TTF2: variants seen among roughly 807,000 people sequenced by gnomAD.
The protein encoded by TTF2 is transcription termination factor 2, also known as RNA polymerase II termination factor.
Under a neutral mutation model 142.4 loss-of-function variants are expected in TTF2, and 108 were observed. The ratio of observed to expected loss-of-function variants is 0.76; its 90% confidence interval spans 0.65 to 0.89. TTF2 has a LOEUF of 0.89. TTF2 is among the 40% of genes least tolerant of loss of function. The probability of loss-of-function intolerance (pLI) is 0.00; values close to 1 mark genes in which losing one functional copy is unlikely to be tolerated. For synonymous variants in TTF2, 483 were observed against 506.2 expected, an observed-to-expected ratio of 0.95 and a Z score of 0.61; for missense variants, 1,327 against 1,379.8, an observed-to-expected ratio of 0.96 and a Z score of 0.61.
chr1:117,066,646 C>G (rs1447061928), intron 3 of TTF2, among the ~76,000 whole-genome samples: 4 of 147,880 alleles, frequency 2.7e-5, no homozygotes, highest in Non-Finnish European at 5.9e-5. Flanking sequence ...TAATGTTGGT[C>G]GAGTATTGGG....
At chr1:117,091,748 T>A in intron 16 of TTF2, 69 bp from the exon 17 acceptor site, 12 of 1,559,966 alleles carry the variant, frequency 7.7e-6, no homozygotes, top group Non-Finnish European at 1.0e-5. Context: ...CCCCATGTAG[T>A]TCCTGGCTCT....
intron 11 of TTF2, among the ~76,000 whole-genome samples, chr1:117,084,815 A>G (rs2101086133): frequency 6.6e-6 from 1 of 152,342 alleles, no homozygotes; most frequent in South Asian, 2.1e-4. Context: ...GCTGTAGTCA[A>G]GGATGAGAAC....
At chr1:117,068,507 A>C (rs564627922) in intron 3 of TTF2, among the ~76,000 whole-genome samples, 1 of 152,094 alleles carries the variant, frequency 6.6e-6, no homozygotes, top group African/African-American at 2.4e-5. Flanking sequence ...ACAAACCTGC[A>C]CATTGTGCAC....
rs776589909 is a variant in TTF2, at chr1:117,101,662, G to A, written c.*138G>A. The stretch of plus-strand genomic sequence containing the variant: ...TCAAGCCTTTCACCTTCCTCAAAAT[G>A]AGGCATAATCTTATCCCCAGAATTG... On this transcript the variant is annotated 3_prime_UTR_variant, in exon 23 of 23. Coordinates refer to ENST00000369466, the MANE Select transcript of TTF2 (RefSeq NM_003594.4). The surrounding 1 kb of genome is among the most constrained non-coding windows in gnomAD (Gnocchi z 5.9). 27 of 966,852 alleles carry A rather than the reference G, an allele frequency of 2.8e-5. No individual in the cohort carries two copies. The highest frequency in any genetic ancestry group is 3.7e-5 in the Non-Finnish European group (26 of 703,722). 59.9% of individuals were successfully genotyped at this position (966,852 alleles called of 1,614,324 possible).
chr1:117,065,760 G>A (rs1369390547), intron 3 of TTF2, among the ~76,000 whole-genome samples: 1 of 133,170 alleles, frequency 7.5e-6, no homozygotes, highest in Non-Finnish European at 1.6e-5. Context: ...TAGTAGGGCT[G>A]GTAAGCCTTT....
Position 117,066,491 on chromosome 1 carries a change from C to T in TTF2, c.218+4018C>T, listed in dbSNP as rs1656139501. ...AATATTGCTCACATGGCCCTAACTT[C>T]CCTGGGTTGGAGGACTTGGAGAGAG... is the stretch of plus-strand genomic sequence containing the variant. On this transcript the variant is annotated intron_variant, in intron 3 of 22. Coordinates refer to ENST00000369466, the MANE Select transcript of TTF2 (RefSeq NM_003594.4). 2.0e-5 allele frequency among the ~76,000 whole-genome samples: 3 copies of T among 152,218 alleles called. No homozygotes were observed. The Middle Eastern group carries it at 0.01, about 518-fold the overall frequency.
At chr1:117,061,596 G>A (rs962492276) in intron 2 of TTF2, among the ~76,000 whole-genome samples, 4 of 152,142 alleles carry the variant, frequency 2.6e-5, no homozygotes, top group Middle Eastern at 3.2e-3. Context: ...TTTACACTGA[G>A]CCTCTCAGAT....
At chr1:117,065,369 C>T (rs1027660801) in intron 3 of TTF2, among the ~76,000 whole-genome samples, 4 of 152,144 alleles carry the variant, frequency 2.6e-5, no homozygotes, top group Non-Finnish European at 4.4e-5. Flanking sequence ...GAGGCCAAGG[C>T]GGGCGGATCA....
chr1:117,073,694 G>T lies in TTF2; in HGVS notation c.252G>T (p.Glu84Asp). 6.2e-7 allele frequency: 1 copy of T among 1,612,534 alleles called. No homozygotes were observed. ...TCCGATGCATTAGAAGTAAGGCAGA[G>T]GGGAAACGCTGGTGTGGAAGTATTC... ...LFFRCIRSKA[E>D]GKRWCGSIPW... The change falls in exon 4 of 23, where the codon GAG (glutamate) becomes GAT (aspartate). Residue 84 changes from glutamate to aspartate, a missense_variant. Physicochemically the swap from Glu to Asp is conservative, Grantham distance 45. Coordinates refer to ENST00000369466, the MANE Select transcript of TTF2 (RefSeq NM_003594.4). The surrounding 1 kb of genome is among the most constrained non-coding windows in gnomAD (Gnocchi z 4.4).
In TTF2 at chr1:117,070,265, A is replaced by G. The variant is rs1027282022; in HGVS notation, c.219-3396A>G. ...TAACAATGGGGGCATATTCTGAGAA[A>G]TGCGTCATTAGGAGATTTCATTTTT... On this transcript the variant is annotated intron_variant, in intron 3 of 22. Coordinates refer to ENST00000369466, the MANE Select transcript of TTF2 (RefSeq NM_003594.4). The surrounding 1 kb of genome is among the most constrained non-coding windows in gnomAD (Gnocchi z 4.2). Among the ~76,000 whole-genome samples the G allele has an allele frequency of 5.9e-5, 9 of 152,244 alleles. No individual in the cohort carries two copies. Among genetic ancestry groups the G allele is most frequent in the African/African-American group, 2.2e-4 (9 of 41,466 alleles).
rs1656720869 is a variant in TTF2 at position 117,073,042 on chromosome 1, A to T, written c.219-619A>T. Among the ~76,000 whole-genome samples the T allele has an allele frequency of 6.6e-6, 1 of 152,220 alleles. No individual in the cohort carries two copies. Among genetic ancestry groups the T allele is most frequent in the Non-Finnish European group, 1.5e-5 (1 of 68,036 alleles). On this transcript the variant is annotated intron_variant, in intron 3 of 22. Transcript: ENST00000369466. The surrounding 1 kb of genome is among the most constrained non-coding windows in gnomAD (Gnocchi z 4.4). ...AAGGTTCACAAATTGGAATTGATTA[A>T]TATGTCTTTTAAGTCTCTGAAGTTT...
intron 17 of TTF2, 27 bp downstream of exon 17, chr1:117,091,977 A>T: frequency 6.3e-7 from 1 of 1,596,924 alleles, no homozygotes. Context: ...GCCTGCTGTC[A>T]TATAGTGCTC....
In TTF2 at chr1:117,063,164, T is replaced by A. The variant is rs1000993238; in HGVS notation, c.218+691T>A. ...TATGCACTTCATAATTTATATATTC[T>A]AGATCCCCCCACCCAATTAAAGGCA... On this transcript the variant is annotated intron_variant, in intron 3 of 22. Coordinates refer to ENST00000369466, the MANE Select transcript of TTF2 (RefSeq NM_003594.4). The surrounding 1 kb of genome is among the most constrained non-coding windows in gnomAD (Gnocchi z 4.1). Among the ~76,000 whole-genome samples, 3 of 152,206 alleles carry A rather than the reference T, an allele frequency of 2.0e-5. No homozygotes were observed. Among genetic ancestry groups the A allele is most frequent in the Non-Finnish European group, 4.4e-5 (3 of 68,032 alleles).
chr1:117,081,941 A>G lies in TTF2; in HGVS notation c.1897A>G (p.Lys633Glu), dbSNP rs763534740. Residue 633 changes from lysine (K) to glutamate (E), a missense_variant, in exon 10 of 23, where the codon AAA becomes GAA. By Grantham distance (56) the Lys-to-Glu change is moderately conservative. Transcript: ENST00000369466. ...EKSTALTWLS[K>E]DDSCDFTSHG... Reference sequence around the variant, plus strand: ...AAGCACAGCTTTGACGTGGCTCTCCAAAGATGGTAGACAGAAGTGCCTTAA... The same window carrying G: ...AAGCACAGCTTTGACGTGGCTCTCCGAAGATGGTAGACAGAAGTGCCTTAA... 1.2e-5 allele frequency: 20 copies of G among 1,614,158 alleles called. No individual in the cohort carries two copies. In the East Asian group the frequency reaches 4.2e-4, roughly 34 times the overall value.
chr1:117,061,035 TA>T (rs1655639432), intron 2 of TTF2, among the ~76,000 whole-genome samples: 1 of 152,360 alleles, frequency 6.6e-6, no homozygotes, highest in South Asian at 2.1e-4. Context: ...TTCTTATTTT[TA>T]AGTAGGATTC....
rs377220959 is a variant in TTF2 at position 117,078,484 on chromosome 1, C to T, written c.1701+441C>T. On this transcript the variant is annotated intron_variant, in intron 8 of 22. Transcript: ENST00000369466. ...TCAGTGATTATTTGTTGTCTGCCTA[C>T]TTTGTGCCTTAAAGGTTGAAAGCCT... 8.5e-5 allele frequency among the ~76,000 whole-genome samples: 13 copies of T among 152,342 alleles called. No individual in the cohort carries two copies. The South Asian group carries it at 2.7e-3, about 32-fold the overall frequency.
intron 4 of TTF2, 61 bp from the exon 5 acceptor site, chr1:117,074,809 G>T: frequency 7.1e-7 from 1 of 1,416,476 alleles, no homozygotes; most frequent in Non-Finnish European, 9.4e-7. Context: ...AAAAGGAAAG[G>T]CATTCTAGAT....
chr1:117,092,905 C>A lies in TTF2; in HGVS notation c.2976+4C>A. On this transcript the variant is annotated splice_donor_region_variant and intron_variant, in intron 18 of 22. Coordinates refer to ENST00000369466, the MANE Select transcript of TTF2 (RefSeq NM_003594.4). The surrounding 1 kb of genome is among the most constrained non-coding windows in gnomAD (Gnocchi z 4.4). ...AGGCATGCGAGAGAGCACCAAGGTA[C>A]TTTTTGTCTCCTCTGTAGTAGTCGA... 1.2e-6 allele frequency: 2 copies of A among 1,614,118 alleles called. No individual in the cohort carries two copies. The highest frequency in any genetic ancestry group is 1.7e-6 in the Non-Finnish European group (2 of 1,179,990).
At position 117,091,367 on chromosome 1, in the gene TTF2, A is replaced by G; in HGVS notation, c.2628A>G (p.Arg876=). ...CCTATCTAAAAAGACATGAAAGTAGAGGCAACCAATCTGGAAGAAGCCCTA... is the reference window on the plus strand; with the variant it reads ...CCTATCTAAAAAGACATGAAAGTAGGGGCAACCAATCTGGAAGAAGCCCTA... The part of the protein sequence containing the change: ...LQSYLKRHES[R]GNQSGRSPNN... Residue 876 remains arginine, a synonymous_variant, in exon 16 of 23, where the codon AGA becomes AGG. Coordinates refer to ENST00000369466, the MANE Select transcript of TTF2 (RefSeq NM_003594.4). The G allele has an allele frequency of 6.2e-7, 1 of 1,613,478 alleles. No homozygotes were observed. Among genetic ancestry groups the G allele is most frequent in the South Asian group, 1.1e-5 (1 of 90,974 alleles).
Sources: allele counts gnomAD v4.1 joint callset (sites outside exome capture counted in the v4.1 genomes callset), GRCh38; gene constraint gnomAD v4.1.1; non-coding constraint Gnocchi (gnomAD v3.1); transcripts MANE v1.5; gene names NCBI Gene and HGNC (gene_info 2026-07-23, HGNC 2026-07-21).